The following BICDL1 variants were observed in gnomAD, a reference collection of about 807,000 sequenced individuals.
The protein encoded by BICDL1 is BICD family like cargo adaptor 1.
BICDL1 carries 20 observed loss-of-function variants against 76.8 expected under a neutral mutation model. The observed-to-expected ratio is 0.26, with a 90% CI of 0.18 to 0.38. BICDL1 has a LOEUF of 0.38. Ranked by LOEUF, BICDL1 falls within the 10% of genes least tolerant of loss-of-function variation. The probability of loss-of-function intolerance (pLI) is 1.00; values close to 1 mark genes in which losing one functional copy is unlikely to be tolerated. For missense variants in BICDL1, 700 were observed against 798.6 expected, an observed-to-expected ratio of 0.88 and a Z score of 1.49; for synonymous variants, 383 against 337.1, an observed-to-expected ratio of 1.14 and a Z score of -1.49.
chr12:119,990,332 G>A (rs1396508815), intron 1 of BICDL1, 35 bp downstream of exon 1: 1 of 1,544,804 alleles, frequency 6.5e-7, no homozygotes, highest in Admixed American at 2.0e-5. Flanking sequence ...GTGGGGAGCA[G>A]GGGCCGCCCA....
chr12:120,070,822 C>A (rs1873036444), intron 4 of BICDL1, among the ~76,000 whole-genome samples: 1 of 151,664 alleles, frequency 6.6e-6, no homozygotes, highest in Non-Finnish European at 1.5e-5. Context: ...ACCTCCGCCT[C>A]CTGGGTTCAA....
intron 2 of BICDL1, among the ~76,000 whole-genome samples, chr12:120,054,750 C>T (rs1040905960): frequency 2.0e-5 from 3 of 152,030 alleles, no homozygotes; most frequent in Admixed American, 1.3e-4. Context: ...CATGGTGGCA[C>T]ACACCTGTGG....
At chr12:120,092,163 A>G (rs1185812454) in intron 9 of BICDL1, 1 of 985,322 alleles carries the variant, frequency 1.0e-6, no homozygotes. Context: ...AGTCTTACCC[A>G]GAGTCAGAAT....
chr12:120,000,079 C>T (rs1195651427), intron 2 of BICDL1, among the ~76,000 whole-genome samples: 1 of 152,006 alleles, frequency 6.6e-6, no homozygotes, highest in African/African-American at 2.4e-5. Context: ...AAAAACGTGT[C>T]TCACAAGAAT....
chr12:120,036,858 A>C (rs924104980), intron 2 of BICDL1, among the ~76,000 whole-genome samples: 10 of 152,232 alleles, frequency 6.6e-5, no homozygotes, highest in African/African-American at 9.6e-5. Context: ...CCTGGGTGAC[A>C]GAGTGAGACT....
chr12:120,008,032 A>G (rs1321299718), intron 2 of BICDL1, among the ~76,000 whole-genome samples: 2 of 152,162 alleles, frequency 1.3e-5, no homozygotes, highest in Non-Finnish European at 2.9e-5. Context: ...AGAAGTTATG[A>G]AAACAAGATA....
chr12:120,026,254 G>A (rs1456042407), intron 2 of BICDL1, among the ~76,000 whole-genome samples: 1 of 152,156 alleles, frequency 6.6e-6, no homozygotes, highest in Non-Finnish European at 1.5e-5. Context: ...CATTTATAGA[G>A]AAGATTATCC....
chr12:120,022,492 G>GTATA lies in BICDL1; in HGVS notation c.645+23766_645+23769dup, dbSNP rs577815161. On this transcript the variant is annotated intron_variant, in intron 2 of 9. Transcript: ENST00000548673. The stretch of plus-strand genomic sequence containing the variant: ...TTATATATATTTTATATATTTTTGT[G>GTATA]TATATATATATATTAAAGGAGACTT... 3.5e-3 allele frequency among the ~76,000 whole-genome samples: 513 copies of GTATA among 145,828 alleles called. 5 individuals carry two copies. Among genetic ancestry groups the GTATA allele is most frequent in the African/African-American group, 0.012 (490 of 39,984 alleles).
intron 2 of BICDL1, among the ~76,000 whole-genome samples, chr12:120,024,268 A>G (rs1218850685): frequency 1.3e-5 from 2 of 152,188 alleles, no homozygotes; most frequent in African/African-American, 4.8e-5. Context: ...GCAACAGAGC[A>G]AGACTCCATC....
chr12:119,999,262 A>G (rs895176967), intron 2 of BICDL1, among the ~76,000 whole-genome samples: 2 of 152,150 alleles, frequency 1.3e-5, no homozygotes, highest in Admixed American at 6.5e-5. Context: ...GACTTTGACA[A>G]TCACTTAACT....
intron 8 of BICDL1, 94 bp from the exon 9 acceptor site, chr12:120,089,857 G>C (rs1874812641): frequency 6.7e-7 from 1 of 1,485,192 alleles, no homozygotes; most frequent in Non-Finnish European, 9.1e-7. Flanking sequence ...GTCAGAGCCT[G>C]TTTCCTCATC....
chr12:120,055,937 A>G (rs967884311), intron 2 of BICDL1, among the ~76,000 whole-genome samples: 1 of 152,214 alleles, frequency 6.6e-6, no homozygotes, highest in East Asian at 1.9e-4. Context: ...AAAATTACCC[A>G]CAAGCACAAA....
At chr12:120,065,404 G>C (rs1224838135) in intron 4 of BICDL1, among the ~76,000 whole-genome samples, 1 of 152,150 alleles carries the variant, frequency 6.6e-6, no homozygotes, top group Non-Finnish European at 1.5e-5. Flanking sequence ...AGCCTCATCA[G>C]TCTCTTTTTT....
intron 1 of BICDL1, 46 bp downstream of exon 1, chr12:119,990,343 G>C: frequency 3.2e-6 from 5 of 1,540,250 alleles, no homozygotes; most frequent in Non-Finnish European, 3.5e-6. Context: ...GGGCCGCCCA[G>C]GCACGCGCCC....
chr12:120,077,650 G>A (rs983649703), intron 7 of BICDL1, among the ~76,000 whole-genome samples: 9 of 152,126 alleles, frequency 5.9e-5, no homozygotes, highest in South Asian at 2.1e-4. Context: ...GGCTTCACTC[G>A]CCAAATCTGG....
chr12:120,093,873 A>T lies in BICDL1; in HGVS notation c.*712A>T, dbSNP rs535505838. 1 of 222,208 alleles carries T rather than the reference A, an allele frequency of 4.5e-6. No homozygotes were observed. The highest frequency in any genetic ancestry group is 5.7e-5 in the South Asian group (1 of 17,434). 13.8% of individuals were successfully genotyped at this position (222,208 alleles called of 1,614,324 possible). Reference sequence around the variant, plus strand: ...CCCTTAGCAGGGCCTGGCCAGGCAGAGTGTTATCACCAGTCATCTGCAGGC... The same window carrying T: ...CCCTTAGCAGGGCCTGGCCAGGCAGTGTGTTATCACCAGTCATCTGCAGGC... On this transcript the variant is annotated 3_prime_UTR_variant, in exon 10 of 10. Transcript: ENST00000548673.
chr12:119,990,347 C>T, intron 1 of BICDL1, 50 bp downstream of exon 1: 4 of 1,539,222 alleles, frequency 2.6e-6, no homozygotes, highest in African/African-American at 1.4e-5. Context: ...CGCCCAGGCA[C>T]GCGCCCGGCC....
At chr12:120,034,922 TTGTC>T (rs1227646498) in intron 2 of BICDL1, among the ~76,000 whole-genome samples, 58 of 152,212 alleles carry the variant, frequency 3.8e-4, no homozygotes, top group Non-Finnish European at 7.8e-4. Flanking sequence ...TTTTTTATGA[TTGTC>T]TGTCTTAGCT....
In BICDL1 at chr12:119,989,420, C is replaced by T. The variant is rs1247506225; in HGVS notation, c.-449C>T. Reference sequence around the variant, plus strand: ...GCAGCAGGAAGCGTCGCGGCGACAGCGGAGCGCAGCCCGCCCCGTGAGGCG... The same window carrying T: ...GCAGCAGGAAGCGTCGCGGCGACAGTGGAGCGCAGCCCGCCCCGTGAGGCG... On this transcript the variant is annotated 5_prime_UTR_variant, in exon 1 of 10. Coordinates refer to ENST00000548673, the MANE Select transcript of BICDL1 (RefSeq NM_001367886.1). Among the ~76,000 whole-genome samples, 1 of 150,330 alleles carries T rather than the reference C, an allele frequency of 6.7e-6. No individual in the cohort carries two copies. Among genetic ancestry groups the T allele is most frequent in the Admixed American group, 6.6e-5 (1 of 15,156 alleles).
Sources: gnomAD v4.1 joint callset for allele counts (sites outside exome capture counted in the v4.1 genomes callset) on GRCh38, gnomAD v4.1.1 for gene constraint, MANE v1.5 for transcripts, NCBI Gene and HGNC (gene_info 2026-07-23, HGNC 2026-07-21) for gene names.